Variants in ARPP21 observed in about 807,000 individuals in gnomAD.
ARPP21 encodes cAMP-regulated phosphoprotein 21.
A neutral mutation model predicts 113.2 loss-of-function variants in ARPP21; 69 were observed. The observed-to-expected ratio is 0.61, with a 90% CI of 0.50 to 0.74. The LOEUF (loss-of-function observed/expected upper bound fraction) is 0.74, where lower values mean the gene tolerates loss of function less well. ARPP21 is among the 30% of genes least tolerant of loss of function. ARPP21 has a pLI of 0.00. For missense variants in ARPP21, 1,070 were observed against 1,037.4 expected (o/e 1.03, Z -0.43); for synonymous variants, 368 against 375.5 (o/e 0.98, Z 0.23).
chr3:35,661,801 T>G (rs1483189342), intron 1 of ARPP21, among the ~76,000 whole-genome samples: 2 of 152,174 alleles, frequency 1.3e-5, no homozygotes, highest in Non-Finnish European at 2.9e-5. Context: ...TTACTGAATT[T>G]TAGTTGTTCC....
At chr3:35,698,828 C>G (rs553368130) in intron 9 of ARPP21, among the ~76,000 whole-genome samples, 1 of 151,648 alleles carries the variant, frequency 6.6e-6, no homozygotes, top group East Asian at 2.0e-4. Context: ...CCAAATTAAA[C>G]AACATCGGTA....
intron 19 of ARPP21, among the ~76,000 whole-genome samples, chr3:35,783,056 CT>C: frequency 6.6e-6 from 1 of 152,164 alleles, no homozygotes; most frequent in East Asian, 1.9e-4. Context: ...TCTTGAAACA[CT>C]CCCCTACTTC....
intron 1 of ARPP21, among the ~76,000 whole-genome samples, chr3:35,670,297 C>T (rs1440664402): frequency 6.6e-6 from 1 of 151,998 alleles, no homozygotes; most frequent in Non-Finnish European, 1.5e-5. Flanking sequence ...TGCAGATGTT[C>T]ACCTGAAAAT....
intron 19 of ARPP21, among the ~76,000 whole-genome samples, chr3:35,765,940 T>TAATGCA (rs763601953): frequency 2.0e-5 from 3 of 152,156 alleles, no homozygotes; most frequent in Non-Finnish European, 4.4e-5. Flanking sequence ...TTAAATACAG[T>TAATGCA]AATGCAAGTG....
chr3:35,721,914 C>T, intron 14 of ARPP21, 80 bp downstream of exon 14: 1 of 845,878 alleles, frequency 1.2e-6, no homozygotes, highest in Non-Finnish European at 1.8e-6. Flanking sequence ...TTCCCTCTGA[C>T]TTTCAGTTGA....
intron 15 of ARPP21, among the ~76,000 whole-genome samples, chr3:35,734,084 T>C (rs1330389863): frequency 6.6e-6 from 1 of 152,240 alleles, no homozygotes; most frequent in Non-Finnish European, 1.5e-5. Context: ...TGCATGTACA[T>C]GTGTATGTGC....
rs538021735 is a variant in ARPP21, at chr3:35,737,354, G to T, written c.1636G>T (p.Val546Phe). The change falls in exon 16 of 21, where the codon GTC (valine) becomes TTC (phenylalanine). Residue 546 changes from valine to phenylalanine, a missense_variant. Physicochemically the swap from Val to Phe is conservative, Grantham distance 50. Transcript: ENST00000684406. Reference protein sequence around the residue: ...PPQPQMAGPLVTQSVQGLQAS... With the variant: ...PPQPQMAGPLFTQSVQGLQAS... ...GCAGCCACAGATGGCAGGCCCTCTGGTCACTCAGGTAGGGGGCTGGTTGGA... is the reference window on the plus strand; with the variant it reads ...GCAGCCACAGATGGCAGGCCCTCTGTTCACTCAGGTAGGGGGCTGGTTGGA... 8.7e-6 allele frequency: 14 copies of T among 1,607,716 alleles called. No homozygotes were observed. In the South Asian group the frequency reaches 1.1e-4, roughly 13 times the overall value.
chr3:35,722,009 G>T (rs1270395851), intron 14 of ARPP21, among the ~76,000 whole-genome samples, 175 bp downstream of exon 14: 2 of 152,122 alleles, frequency 1.3e-5, no homozygotes, highest in African/African-American at 4.8e-5. Flanking sequence ...CCAGTTATGT[G>T]CCTAGGTCAA....
chr3:35,675,601 G>A (rs889625648), intron 1 of ARPP21, among the ~76,000 whole-genome samples: 1 of 151,844 alleles, frequency 6.6e-6, no homozygotes, highest in Non-Finnish European at 1.5e-5. Context: ...AAAAATTATA[G>A]AGTTGTCTTT....
At chr3:35,674,774 A>G (rs2077086450) in intron 1 of ARPP21, among the ~76,000 whole-genome samples, 1 of 151,926 alleles carries the variant, frequency 6.6e-6, no homozygotes, top group African/African-American at 2.4e-5. Context: ...TTGGGGGATA[A>G]AACCAAGAAA....
intron 1 of ARPP21, among the ~76,000 whole-genome samples, chr3:35,661,713 A>G (rs1482852962): frequency 6.6e-6 from 1 of 152,178 alleles, no homozygotes; most frequent in Non-Finnish European, 1.5e-5. Flanking sequence ...CAACAATAAT[A>G]CATATTTCCT....
intron 15 of ARPP21, among the ~76,000 whole-genome samples, chr3:35,730,413 A>G (rs1406169014): frequency 6.6e-6 from 1 of 152,202 alleles, no homozygotes; most frequent in African/African-American, 2.4e-5. Flanking sequence ...GCTGCTATTG[A>G]CACCCAGTAG....
chr3:35,649,719 C>G (rs528143431), intron 1 of ARPP21, among the ~76,000 whole-genome samples: 3 of 152,218 alleles, frequency 2.0e-5, no homozygotes, highest in Admixed American at 6.5e-5. Flanking sequence ...TCAGACCCCC[C>G]TCCTGCTTTA....
chr3:35,670,319 T>A (rs1345779600), intron 1 of ARPP21, among the ~76,000 whole-genome samples: 1 of 152,060 alleles, frequency 6.6e-6, no homozygotes, highest in African/African-American at 2.4e-5. Context: ...CTTTTAGTCT[T>A]GAATGTAGTT....
chr3:35,664,447 C>A (rs911465409), intron 1 of ARPP21, among the ~76,000 whole-genome samples: 2 of 152,182 alleles, frequency 1.3e-5, no homozygotes, highest in African/African-American at 4.8e-5. Flanking sequence ...CTCCATCATC[C>A]CTCCCACGAT....
At chr3:35,749,587 AAG>A (rs2095326261) in intron 19 of ARPP21, among the ~76,000 whole-genome samples, 1 of 152,092 alleles carries the variant, frequency 6.6e-6, no homozygotes, top group South Asian at 2.1e-4. Flanking sequence ...TATTTTTGGA[AAG>A]AGATTGTATA....
At chr3:35,661,520 T>C (rs1185326749) in intron 1 of ARPP21, among the ~76,000 whole-genome samples, 1 of 152,198 alleles carries the variant, frequency 6.6e-6, no homozygotes, top group African/African-American at 2.4e-5. Context: ...ATTAGAATCT[T>C]TGAACTGCTA....
At chr3:35,674,509 T>C (rs2077032074) in intron 1 of ARPP21, among the ~76,000 whole-genome samples, 1 of 151,890 alleles carries the variant, frequency 6.6e-6, no homozygotes, top group Non-Finnish European at 1.5e-5. Context: ...TAATTAATTG[T>C]TCCACATTAA....
At chr3:35,670,283 A>G (rs1447429967) in intron 1 of ARPP21, among the ~76,000 whole-genome samples, 1 of 152,144 alleles carries the variant, frequency 6.6e-6, no homozygotes, top group African/African-American at 2.4e-5. Context: ...AGGAGAGTCC[A>G]TCATGCAGAT....
Sources: allele counts gnomAD v4.1 joint callset (sites outside exome capture counted in the v4.1 genomes callset), GRCh38; gene constraint gnomAD v4.1.1; transcripts MANE v1.5; gene names NCBI Gene and HGNC (gene_info 2026-07-23, HGNC 2026-07-21).